Variants in PACRG observed in about 807,000 individuals in gnomAD.
The protein encoded by PACRG is parkin coregulated gene protein.
In PACRG, 29 loss-of-function variants were observed where a neutral mutation model predicts 29.7. The ratio of observed to expected loss-of-function variants is 0.98; its 90% confidence interval spans 0.73 to 1.33. The LOEUF (loss-of-function observed/expected upper bound fraction) is 1.33. Ranked by LOEUF, PACRG falls within the 40% of genes most tolerant of loss-of-function variation. PACRG has a pLI of 0.00. For synonymous variants in PACRG, 116 were observed against 118.7 expected (o/e 0.98, Z 0.15); for missense variants, 279 against 316.2 (o/e 0.88, Z 0.89).
intron 4 of PACRG, among the ~76,000 whole-genome samples, chr6:163,303,844 A>G (rs1393574703): frequency 6.6e-6 from 1 of 151,730 alleles, no homozygotes; most frequent in Admixed American, 6.6e-5. Flanking sequence ...CCCCATCTCT[A>G]TTAAAGAAAA....
At chr6:163,143,101 A>G (rs1273977275) in intron 4 of PACRG, among the ~76,000 whole-genome samples, 1 of 152,204 alleles carries the variant, frequency 6.6e-6, no homozygotes, top group East Asian at 1.9e-4. Flanking sequence ...GCTTTGACAA[A>G]TACAAGATTT....
intron 4 of PACRG, among the ~76,000 whole-genome samples, chr6:163,231,160 G>A (rs1259425511): frequency 1.3e-5 from 2 of 152,188 alleles, no homozygotes; most frequent in African/African-American, 2.4e-5. Flanking sequence ...GCAGGCCCAC[G>A]GGGGAGCCGT....
intron 2 of PACRG, among the ~76,000 whole-genome samples, chr6:162,920,031 C>G (rs1796958934): frequency 6.6e-6 from 1 of 152,266 alleles, no homozygotes; most frequent in Non-Finnish European, 1.5e-5. Flanking sequence ...CTTCCAGTCT[C>G]AGCTCTTGAT....
rs535755673 is a variant in PACRG, at chr6:162,889,998, G to A, written c.291+75717G>A. ...AACCTGAAATAAACTATGTCAAATC[G>A]ATTAGAAAGGTCTGAGCACATCTGG... On this transcript the variant is annotated intron_variant, in intron 2 of 4. Coordinates refer to ENST00000366888, the MANE Select transcript of PACRG (RefSeq NM_001080379.2). Among the ~76,000 whole-genome samples the A allele has an allele frequency of 4.5e-4, 69 of 152,350 alleles. No homozygotes were observed. In the South Asian group the frequency reaches 5.2e-3, roughly 11 times the overall value.
chr6:163,006,089 A>C (rs1450862540), intron 2 of PACRG, among the ~76,000 whole-genome samples: 4 of 143,108 alleles, frequency 2.8e-5, no homozygotes, highest in Admixed American at 7.2e-5. Context: ...GGTTTTGTTT[A>C]TATATATAAT....
intron 2 of PACRG, among the ~76,000 whole-genome samples, chr6:162,863,868 G>A (rs1399896216): frequency 2.0e-5 from 3 of 152,304 alleles, no homozygotes; most frequent in East Asian, 3.9e-4. Flanking sequence ...TTATGGAGTT[G>A]TCTACCTTTC....
intron 2 of PACRG, among the ~76,000 whole-genome samples, chr6:162,904,157 A>G (rs1156807208): frequency 6.6e-6 from 1 of 152,212 alleles, no homozygotes; most frequent in African/African-American, 2.4e-5. Context: ...ACCCAGCCAG[A>G]TGAGGCTATA....
intron 4 of PACRG, among the ~76,000 whole-genome samples, chr6:163,293,285 T>G (rs1166862000): frequency 6.6e-6 from 1 of 152,194 alleles, no homozygotes; most frequent in Non-Finnish European, 1.5e-5. Context: ...CATGCACATG[T>G]ATATGTGCAC....
intron 2 of PACRG, among the ~76,000 whole-genome samples, chr6:163,020,870 C>A (rs757457494): frequency 3.5e-4 from 53 of 152,164 alleles, no homozygotes; most frequent in Non-Finnish European, 7.2e-4. Flanking sequence ...CTGCCACCAT[C>A]AATCAGCAAA....
At chr6:162,818,142 T>C (rs1057373947) in intron 2 of PACRG, among the ~76,000 whole-genome samples, 5 of 152,242 alleles carry the variant, frequency 3.3e-5, no homozygotes, top group African/African-American at 7.2e-5. Context: ...TTTCTTTTGC[T>C]ACATTTTCCT....
At chr6:163,095,371 T>C (rs1814476747) in intron 4 of PACRG, 4 of 985,332 alleles carry the variant, frequency 4.1e-6, no homozygotes, top group Admixed American at 6.2e-5. Context: ...GAAGGATTAT[T>C]CTGAGTTGTC....
At chr6:162,945,129 A>C (rs948526481) in intron 2 of PACRG, among the ~76,000 whole-genome samples, 7 of 152,268 alleles carry the variant, frequency 4.6e-5, no homozygotes, top group African/African-American at 1.4e-4. Flanking sequence ...GAAATCAATT[A>C]ATAAAGTGAC....
chr6:162,882,776 G>A (rs530857530), intron 2 of PACRG, among the ~76,000 whole-genome samples: 1 of 152,130 alleles, frequency 6.6e-6, no homozygotes, highest in Admixed American at 6.6e-5. Flanking sequence ...AAACTAACCC[G>A]ACTGTCCAGG....
At chr6:163,287,128 C>T (rs12529076) in intron 4 of PACRG, among the ~76,000 whole-genome samples, 30,676 of 151,960 alleles carry the variant, frequency 0.2, 3,300 homozygotes, top group African/African-American at 0.24. Context: ...AAGTCTTATG[C>T]GTATGGTTGG....
intron 2 of PACRG, among the ~76,000 whole-genome samples, chr6:162,816,814 C>A (rs1787389761): frequency 6.6e-6 from 1 of 152,132 alleles, no homozygotes; most frequent in East Asian, 1.9e-4. Context: ...TTGAAGGAAG[C>A]AGGGCGATCC....
intron 2 of PACRG, among the ~76,000 whole-genome samples, chr6:162,838,978 A>C (rs1334903087): frequency 7.5e-6 from 1 of 133,224 alleles, no homozygotes; most frequent in Non-Finnish European, 1.6e-5. Flanking sequence ...ACATTTTCTT[A>C]ATCCAGTCTA....
chr6:162,951,328 G>T (rs1799629632), intron 2 of PACRG, among the ~76,000 whole-genome samples: 1 of 152,344 alleles, frequency 6.6e-6, no homozygotes, highest in South Asian at 2.1e-4. Context: ...GCACAGCTGA[G>T]CTATGACTGA....
chr6:162,927,810 C>CAAAT (rs1304688542), intron 2 of PACRG, among the ~76,000 whole-genome samples: 1 of 110,428 alleles, frequency 9.1e-6, no homozygotes, highest in Non-Finnish European at 1.7e-5. Context: ...AAAAGCAAAG[C>CAAAT]AAACAAACAA....
intron 4 of PACRG, among the ~76,000 whole-genome samples, chr6:163,172,849 TAGAA>T (rs1779152723): frequency 6.6e-6 from 1 of 152,230 alleles, no homozygotes; most frequent in African/African-American, 2.4e-5. Context: ...ATATCAAAGA[TAGAA>T]AGAGGCTTGA....
Sources: gnomAD v4.1 joint callset for allele counts (sites outside exome capture counted in the v4.1 genomes callset) on GRCh38, gnomAD v4.1.1 for gene constraint, MANE v1.5 for transcripts, NCBI Gene and HGNC (gene_info 2026-07-23, HGNC 2026-07-21) for gene names.